The following MAPK13 variants were observed in gnomAD, a reference collection of about 807,000 sequenced individuals.
The protein encoded by MAPK13 is mitogen-activated protein kinase 13.
Under a neutral mutation model 53.5 loss-of-function variants are expected in MAPK13, and 39 were observed. That is an observed-to-expected ratio of 0.73 (90% CI 0.56 to 0.95). The LOEUF (loss-of-function observed/expected upper bound fraction) is 0.95. Among genes scored for constraint, MAPK13 ranks in the 40% least tolerant of loss-of-function variants. MAPK13 has a pLI of 0.00. For synonymous variants in MAPK13, 179 were observed against 190.9 expected, an observed-to-expected ratio of 0.94 and a Z score of 0.51; for missense variants, 460 against 471.8, an observed-to-expected ratio of 0.98 and a Z score of 0.23.
Position 36,130,912 on chromosome 6 carries a change from T to C in MAPK13, c.119+211T>C. 2.0e-6 allele frequency: 1 copy of C among 511,196 alleles called. No homozygotes were observed. The highest frequency in any genetic ancestry group is 2.5e-5 in the South Asian group (1 of 39,604). 31.7% of individuals were successfully genotyped at this position (511,196 alleles called of 1,614,324 possible). ...GGGGTTGAGTTGGGACTGGGCCTGG[T>C]TCTCCAGGACTGTACACTTGCAAGA... On this transcript the variant is annotated intron_variant, in intron 1 of 11. Transcript: ENST00000211287. This position sits in a 1 kb window ranked among gnomAD's most constrained non-coding sequence, Gnocchi z 4.5.
Position 36,135,786 on chromosome 6 carries a change from G to C in MAPK13, c.342G>C (p.Leu114=), listed in dbSNP as rs1262335766. 1.9e-6 allele frequency: 3 copies of C among 1,613,948 alleles called. No individual in the cohort carries two copies. The highest frequency in any genetic ancestry group is 2.5e-6 in the Non-Finnish European group (3 of 1,179,946). Residue 114 remains leucine, a synonymous_variant, in exon 4 of 12, where the codon CTG becomes CTC. Transcript: ENST00000211287. ...TGATGCCCTTCATGCAGACGGATCT[G>C]CAGAAGATCATGGGGATGGAGTTCA... ...YLVMPFMQTD[L]QKIMGMEFSE...
chr6:36,138,765 C>T lies in MAPK13; in HGVS notation c.826C>T (p.Arg276Trp), dbSNP rs749882773. The T allele has an allele frequency of 4.3e-6, 7 of 1,614,162 alleles. No homozygotes were observed. In the East Asian group the frequency reaches 6.7e-5, roughly 15 times the overall value. Residue 276 changes from arginine to tryptophan, a missense_variant, in exon 10 of 12, where the codon CGG (arginine) becomes TGG (tryptophan). Arg to Trp is a moderately radical substitution (Grantham distance 101, BLOSUM62 -3). Transcript: ENST00000211287. The stretch of plus-strand genomic sequence containing the variant: ...GAAGGATTTCACTCAGCTGTTCCCA[C>T]GGGCCAGCCCCCAGGGTGAGTCTCA... ...PRKDFTQLFPRASPQAADLLE... is the reference protein window; with the variant it reads ...PRKDFTQLFPWASPQAADLLE...
chr6:36,136,934 G>T lies in MAPK13; in HGVS notation c.666G>T (p.Leu222=), dbSNP rs757375777. Reference sequence around the variant, plus strand: ...CAGAGATGCTGACAGGGAAAACTCTGTTCAAGGGGAAAGATTGTATCCTTT... The same window carrying T: ...CAGAGATGCTGACAGGGAAAACTCTTTTCAAGGGGAAAGATTGTATCCTTT... The part of the protein sequence containing the change: ...IMAEMLTGKT[L]FKGKDYLDQL... Residue 222 remains leucine, a synonymous_variant, in exon 8 of 12, where the codon CTG becomes CTT. Transcript: ENST00000211287. 7.4e-6 allele frequency: 12 copies of T among 1,614,092 alleles called. No individual in the cohort carries two copies. The highest frequency in any genetic ancestry group is 1.0e-5 in the Non-Finnish European group (12 of 1,180,036).
Position 36,138,888 on chromosome 6 carries a change from T to C in MAPK13, c.851T>C (p.Leu284Pro). The C allele has an allele frequency of 6.2e-7, 1 of 1,610,520 alleles. No homozygotes were observed. The highest frequency in any genetic ancestry group is 8.5e-7 in the Non-Finnish European group (1 of 1,178,432). The change falls in exon 11 of 12, where the codon CTG becomes CCG. Residue 284 changes from leucine (L) to proline (P), a missense_variant. By Grantham distance (98) the Leu-to-Pro change is moderately conservative (BLOSUM62 -3). Coordinates refer to ENST00000211287, the MANE Select transcript of MAPK13 (RefSeq NM_002754.5). Reference sequence around the variant, plus strand: ...GGCTCTGCCCCTGCAGCTGCGGACCTGCTGGAGAAGATGCTGGAGCTAGAC... The same window carrying C: ...GGCTCTGCCCCTGCAGCTGCGGACCCGCTGGAGAAGATGCTGGAGCTAGAC... ...FPRASPQAADLLEKMLELDVD... is the reference protein window; with the variant it reads ...FPRASPQAADPLEKMLELDVD...
chr6:36,138,988 G>A lies in MAPK13; in HGVS notation c.951G>A (p.Glu317=), dbSNP rs1407751233. 6.2e-7 allele frequency: 1 copy of A among 1,613,852 alleles called. No homozygotes were observed. Among genetic ancestry groups the A allele is most frequent in the Non-Finnish European group, 8.5e-7 (1 of 1,179,952 alleles). The change falls in exon 11 of 12, where the codon GAG becomes GAA. Residue 317 remains glutamate (E), a synonymous_variant. Transcript: ENST00000211287. ...AACCCTTCCGGGACCCTGAGGAAGA[G>A]ACGGAGGCCCAGCAGCCGTTTGATG... The part of the protein sequence containing the change: ...FFEPFRDPEE[E]TEAQQPFDDS...
Position 36,141,949 on chromosome 6 carries a change from C to T in MAPK13, c.*2576C>T, listed in dbSNP as rs1189295766. ...TGGCTAGTCTTGCCACAGCCCTGGC[C>T]TCGCTGGTTACTAAAACTGCCCCAG... is the stretch of plus-strand genomic sequence containing the variant. On this transcript the variant is annotated 3_prime_UTR_variant, in exon 12 of 12. Transcript: ENST00000211287. 6.6e-6 allele frequency: 1 copy of T among 152,374 alleles called. No individual in the cohort carries two copies. Among genetic ancestry groups the T allele is most frequent in the Non-Finnish European group, 1.5e-5 (1 of 68,162 alleles). 9.4% of individuals were successfully genotyped at this position (152,374 alleles called of 1,614,324 possible). A position where few individuals can be genotyped will look rare whatever the true frequency, so the allele number is the denominator to read the frequency against.
In MAPK13 at chr6:36,139,366, A is replaced by C. The variant is rs1766488570; in HGVS notation, c.1091A>C (p.Lys364Thr). Residue 364 changes from lysine (K) to threonine (T), a missense_variant, in exon 12 of 12, where the codon AAG becomes ACG. Lys to Thr is a moderately conservative substitution (Grantham distance 78). Transcript: ENST00000211287. ...RKDSRRRSGM[K>T]L is the part of the protein sequence containing the mutation. The stretch of plus-strand genomic sequence containing the variant: ...GACTCACGGCGCCGGAGTGGCATGA[A>C]GCTGTAGGGACTCATCTTGCATGGC... The C allele has an allele frequency of 6.2e-7, 1 of 1,613,932 alleles. No homozygotes were observed.
In MAPK13 at chr6:36,138,409, G is replaced by A. The variant is rs1766462614; in HGVS notation, c.727G>A (p.Gly243Ser). The A allele has an allele frequency of 6.2e-7, 1 of 1,613,994 alleles. No individual in the cohort carries two copies. The highest frequency in any genetic ancestry group is 8.5e-7 in the Non-Finnish European group (1 of 1,179,986). Residue 243 changes from glycine to serine, a missense_variant, in exon 9 of 12, where the codon GGC becomes AGC. Transcript: ENST00000211287. ...GATCCTGAAAGTGACCGGGGTGCCT[G>A]GCACGGAGTTTGTGCAGAAGCTGAA... ...TQILKVTGVPGTEFVQKLNDK... is the reference protein window; with the variant it reads ...TQILKVTGVPSTEFVQKLNDK...
At position 36,130,621 on chromosome 6, in the gene MAPK13, C is replaced by T. The variant is rs1216125531; in HGVS notation, c.39C>T (p.Asp13=). Residue 13 remains aspartate (D), a synonymous_variant, in exon 1 of 12, where the codon GAC becomes GAT. Coordinates refer to ENST00000211287, the MANE Select transcript of MAPK13 (RefSeq NM_002754.5). This position sits in a 1 kb window ranked among gnomAD's most constrained non-coding sequence, Gnocchi z 4.5. ...LIRKKGFYKQ[D]VNKTAWELPK... ...GGAAAAAGGGCTTCTACAAGCAGGA[C>T]GTCAACAAGACAGCCTGGGAGCTGC... 2 of 1,584,702 alleles carry T rather than the reference C, an allele frequency of 1.3e-6. No homozygotes were observed. The highest frequency in any genetic ancestry group is 2.8e-5 in the African/African-American group (2 of 70,730).
In MAPK13 at chr6:36,130,779, C is replaced by G; in HGVS notation, c.119+78C>G. ...TTCCGCCCAGCCCGCCCTGGGCTGG[C>G]CCCTCGCCAGCGCCACCTTGACCGC... On this transcript the variant is annotated intron_variant, in intron 1 of 11. Coordinates refer to ENST00000211287, the MANE Select transcript of MAPK13 (RefSeq NM_002754.5). The surrounding 1 kb of genome is among the most constrained non-coding windows in gnomAD (Gnocchi z 4.5). 3.9e-6 allele frequency: 3 copies of G among 772,144 alleles called. No individual in the cohort carries two copies. The highest frequency in any genetic ancestry group is 5.9e-6 in the Non-Finnish European group (3 of 509,008). 47.8% of individuals were successfully genotyped at this position (772,144 alleles called of 1,614,324 possible).
chr6:36,131,240 C>T (rs1240197434), intron 1 of MAPK13, 31 bp from the exon 2 acceptor site: 3 of 1,601,210 alleles, frequency 1.9e-6, no homozygotes, highest in African/African-American at 2.7e-5. Flanking sequence ...AGGAGGAGAG[C>T]CTCGCCTGCT....
Position 36,136,492 on chromosome 6 carries a change from G to T in MAPK13, c.456G>T (p.Lys152Asn). ...HSAGVVHRDL[K>N]PGNLAVNEDC... ...CTCTGTCCTCCCCCCAGGACCTGAA[G>T]CCAGGCAACCTGGCTGTGAATGAGG... The change falls in exon 6 of 12, where the codon AAG becomes AAT. Residue 152 changes from lysine (K) to asparagine (N), a missense_variant. Transcript: ENST00000211287. 1 of 1,599,044 alleles carries T rather than the reference G, an allele frequency of 6.3e-7. No homozygotes were observed. The highest frequency in any genetic ancestry group is 8.5e-7 in the Non-Finnish European group (1 of 1,173,294).
Position 36,138,414 on chromosome 6 carries a change from G to A in MAPK13, c.732G>A (p.Thr244=), listed in dbSNP as rs527956493. 2.7e-5 allele frequency: 44 copies of A among 1,613,966 alleles called. No individual in the cohort carries two copies. Among genetic ancestry groups the A allele is most frequent in the African/African-American group, 6.7e-5 (5 of 74,910 alleles). Residue 244 remains threonine (T), a synonymous_variant, in exon 9 of 12, where the codon ACG becomes ACA. Coordinates refer to ENST00000211287, the MANE Select transcript of MAPK13 (RefSeq NM_002754.5). Reference sequence around the variant, plus strand: ...TGAAAGTGACCGGGGTGCCTGGCACGGAGTTTGTGCAGAAGCTGAACGACA... The same window carrying A: ...TGAAAGTGACCGGGGTGCCTGGCACAGAGTTTGTGCAGAAGCTGAACGACA... ...QILKVTGVPG[T]EFVQKLNDKA... is the part of the protein sequence containing the mutation.
At position 36,138,399 on chromosome 6, in the gene MAPK13, CG is replaced by C; in HGVS notation, c.721del (p.Val241CysfsTer10). On this transcript the variant is annotated frameshift_variant, in exon 9 of 12. Coordinates refer to ENST00000211287, the MANE Select transcript of MAPK13 (RefSeq NM_002754.5). LOFTEE classifies it high-confidence loss of function. ...AGCTGACCCAGATCCTGAAAGTGACCGGGGTGCCTGGCACGGAGTTTGTGCA... is the reference window on the plus strand; with the variant it reads ...AGCTGACCCAGATCCTGAAAGTGACCGGGTGCCTGGCACGGAGTTTGTGCA... Reference protein sequence around the residue: ...DQLTQILKVTGVPGTEFVQKL... With the variant: ...DQLTQILKVTXVPGTEFVQKL... The C allele has an allele frequency of 6.2e-7, 1 of 1,613,986 alleles. No individual in the cohort carries two copies. Among genetic ancestry groups the C allele is most frequent in the African/African-American group, 1.3e-5 (1 of 75,014 alleles).
Position 36,136,741 on chromosome 6 carries a change from T to C in MAPK13, c.581T>C (p.Ile194Thr). The C allele has an allele frequency of 6.2e-7, 1 of 1,614,098 alleles. No homozygotes were observed. Among genetic ancestry groups the C allele is most frequent in the Non-Finnish European group, 8.5e-7 (1 of 1,179,974 alleles). Residue 194 changes from isoleucine to threonine, a missense_variant, in exon 7 of 12, where the codon ATC (isoleucine) becomes ACC (threonine). Coordinates refer to ENST00000211287, the MANE Select transcript of MAPK13 (RefSeq NM_002754.5). ...CGCTGGTACCGAGCCCCCGAGGTGATCCTCAGCTGGATGCACTACAACCAG... is the reference window on the plus strand; with the variant it reads ...CGCTGGTACCGAGCCCCCGAGGTGACCCTCAGCTGGATGCACTACAACCAG... ...VTRWYRAPEV[I>T]LSWMHYNQTV...
Position 36,140,197 on chromosome 6 carries a change from G to C in MAPK13, c.*824G>C, listed in dbSNP as rs1213234201. On this transcript the variant is annotated 3_prime_UTR_variant, in exon 12 of 12. Transcript: ENST00000211287. ...TGGCTGCTAAATTAAGGGAGTTGCAGAGAGAGCTGCAGCTGGTGCGATTGC... is the reference window on the plus strand; with the variant it reads ...TGGCTGCTAAATTAAGGGAGTTGCACAGAGAGCTGCAGCTGGTGCGATTGC... 1 of 152,248 alleles carries C rather than the reference G, an allele frequency of 6.6e-6. No individual in the cohort carries two copies. Among genetic ancestry groups the C allele is most frequent in the Non-Finnish European group, 1.5e-5 (1 of 68,048 alleles). 9.4% of individuals were successfully genotyped at this position (152,248 alleles called of 1,614,324 possible). A position where few individuals can be genotyped will look rare whatever the true frequency, so the allele number is the denominator to read the frequency against.
At chr6:36,139,172 T>A in intron 11 of MAPK13, 117 bp downstream of exon 11, 1 of 1,382,334 alleles carries the variant, frequency 7.2e-7, no homozygotes, top group Non-Finnish European at 1.0e-6. Flanking sequence ...TTGGTGGGCA[T>A]TGTCTCCTGG....
Position 36,140,123 on chromosome 6 carries a change from C to G in MAPK13, c.*750C>G, listed in dbSNP as rs916594251. The G allele has an allele frequency of 6.6e-6, 1 of 152,274 alleles. No individual in the cohort carries two copies. Among genetic ancestry groups the G allele is most frequent in the South Asian group, 2.1e-4 (1 of 4,832 alleles). The allele number at this position is 152,274 out of a possible 1,614,324, so 9.4% of individuals were successfully genotyped here. A position where few individuals can be genotyped will look rare whatever the true frequency, so the allele number is the denominator to read the frequency against. Reference sequence around the variant, plus strand: ...ACAGCTGGGAGGGAGGGGCCCCTTCCTGGGCCCCGTGCTGAGGCCTTGTGC... The same window carrying G: ...ACAGCTGGGAGGGAGGGGCCCCTTCGTGGGCCCCGTGCTGAGGCCTTGTGC... On this transcript the variant is annotated 3_prime_UTR_variant, in exon 12 of 12. Transcript: ENST00000211287.
chr6:36,130,729 G>GGGGGCGA lies in MAPK13; in HGVS notation c.119+34_119+35insAGGGGCG. ...GAGACCCCTGGGCCGCTGGGGGGCGGGGGGCGGGCGCCAGGCTCTCCCCTT... is the reference window on the plus strand; with the variant it reads ...GAGACCCCTGGGCCGCTGGGGGGCGGGGGGCGAGGGGCGGGCGCCAGGCTCTCCCCTT... On this transcript the variant is annotated intron_variant, in intron 1 of 11. Transcript: ENST00000211287. The surrounding 1 kb of genome is among the most constrained non-coding windows in gnomAD (Gnocchi z 4.5). 8.5e-7 allele frequency: 1 copy of GGGGGCGA among 1,173,486 alleles called. No homozygotes were observed. Among genetic ancestry groups the GGGGGCGA allele is most frequent in the Non-Finnish European group, 1.2e-6 (1 of 831,972 alleles). The allele number at this position is 1,173,486 out of a possible 1,614,324, so 72.7% of individuals were successfully genotyped here.
Sources: allele counts gnomAD v4.1 joint callset, GRCh38; gene constraint gnomAD v4.1.1; non-coding constraint Gnocchi (gnomAD v3.1); transcripts MANE v1.5; gene names NCBI Gene and HGNC (gene_info 2026-07-23, HGNC 2026-07-21).